The following ZNF208 variants were observed in gnomAD, a reference collection of about 807,000 sequenced individuals.
The protein encoded by ZNF208 is zinc finger protein 95.
In ZNF208, 10 loss-of-function variants were observed where a neutral mutation model predicts 12.1. That is an observed-to-expected ratio of 0.83 (90% CI 0.51 to 1.40). The LOEUF (loss-of-function observed/expected upper bound fraction) is 1.40, where lower values mean the gene tolerates loss of function less well. Ranked by LOEUF, ZNF208 falls within the 40% of genes most tolerant of loss-of-function variation. The pLI is 0.00. For missense variants in ZNF208, 1,652 were observed against 1,485.0 expected, an observed-to-expected ratio of 1.11 and a Z score of -1.85; for synonymous variants, 497 against 488.4, an observed-to-expected ratio of 1.02 and a Z score of -0.23.
rs1568446025 is a variant in ZNF208 at position 21,974,417 on chromosome 19, CCTT to C, written c.614_616del (p.Glu205del). The C allele has an allele frequency of 2.5e-6, 4 of 1,613,814 alleles. No individual in the cohort carries two copies. Among genetic ancestry groups the C allele is most frequent in the Non-Finnish European group, 2.5e-6 (3 of 1,179,826 alleles). ...TGAGGACCAGTTAAAAGCTTTGCCA[CCTT>C]CTTCACATTTGTAGGAATTCTCTCT... On this transcript the variant is annotated inframe_deletion, in exon 4 of 4. Transcript: ENST00000397126.
intron 4 of ZNF208, among the ~76,000 whole-genome samples, chr19:21,944,882 A>G (rs1014807932): frequency 3.3e-5 from 5 of 152,210 alleles, no homozygotes; most frequent in Non-Finnish European, 5.9e-5. Context: ...AAACATGGCC[A>G]TTGTACAGTG....
chr19:21,961,873 G>A (rs1003334837), downstream of ZNF208, among the ~76,000 whole-genome samples: 1 of 152,080 alleles, frequency 6.6e-6, no homozygotes, highest in African/African-American at 2.4e-5. Context: ...CTGTTATTCT[G>A]TTGTTTTTCA....
chr19:21,982,220 T>C (rs1034504393), intron 3 of ZNF208, among the ~76,000 whole-genome samples: 9 of 151,738 alleles, frequency 5.9e-5, no homozygotes, highest in African/African-American at 2.2e-4. Flanking sequence ...TAGCCGGGCA[T>C]GGTGGCAGGC....
chr19:21,947,336 G>T (rs1568432876), intron 4 of ZNF208, among the ~76,000 whole-genome samples: 1 of 152,108 alleles, frequency 6.6e-6, no homozygotes, highest in Non-Finnish European at 1.5e-5. Flanking sequence ...TCCTTTATGA[G>T]ACAAGTTCAT....
At chr19:21,959,617 GTGAC>G (rs1457120651) in intron 4 of ZNF208, among the ~76,000 whole-genome samples, 2 of 152,170 alleles carry the variant, frequency 1.3e-5, no homozygotes, top group Non-Finnish European at 2.9e-5. Context: ...GGAAAATAAA[GTGAC>G]TGCGGATTAA....
chr19:21,958,330 C>T lies in ZNF208; in HGVS notation c.305+16399G>A, dbSNP rs183419064. On this transcript the variant is annotated intron_variant, in intron 4 of 4. Coordinates refer to the ZNF208 transcript ENST00000599916. The stretch of plus-strand genomic sequence containing the variant: ...CAACCAGCAATCTCTGCCTGCAGCT[C>T]ATCAAAAAAAGATAGGGATGGGTAA... Among the ~76,000 whole-genome samples the T allele has an allele frequency of 1.1e-4, 17 of 152,192 alleles. No homozygotes were observed. In the East Asian group the frequency reaches 1.7e-3, roughly 16 times the overall value.
intron 1 of ZNF208, among the ~76,000 whole-genome samples, chr19:22,006,863 A>G (rs1022786278): frequency 3.8e-4 from 58 of 152,294 alleles, no homozygotes; most frequent in Admixed American, 6.5e-4. Flanking sequence ...AAGCAAATGT[A>G]TTTATTTCTT....
At chr19:21,988,621 G>A (rs1209251296) in intron 2 of ZNF208, among the ~76,000 whole-genome samples, 162 bp downstream of exon 2, 3 of 152,112 alleles carry the variant, frequency 2.0e-5, no homozygotes, top group Non-Finnish European at 4.4e-5. Flanking sequence ...CAGGACCCTT[G>A]TTGACTAGAA....
intron 4 of ZNF208, among the ~76,000 whole-genome samples, chr19:21,952,708 G>T (rs547765679): frequency 6.6e-6 from 1 of 152,282 alleles, no homozygotes; most frequent in African/African-American, 2.4e-5. Flanking sequence ...CACAAAGATG[G>T]GGAGAAACCA....
chr19:21,940,152 G>C (rs1969711635), intron 4 of ZNF208: 1 of 125,752 alleles, frequency 8.0e-6, no homozygotes, highest in Admixed American at 8.5e-5. Flanking sequence ...TTTTATAAGA[G>C]TAAAGAGCAA....
intron 4 of ZNF208, among the ~76,000 whole-genome samples, chr19:21,946,412 T>G (rs1969816845): frequency 6.6e-6 from 1 of 152,200 alleles, no homozygotes; most frequent in Non-Finnish European, 1.5e-5. Flanking sequence ...CATTCCAGTT[T>G]GTAAAAACCC....
At position 21,982,547 on chromosome 19, in the gene ZNF208, T is replaced by C. The variant is rs182176957; in HGVS notation, c.226+4669A>G. On this transcript the variant is annotated intron_variant, in intron 3 of 3. Transcript: ENST00000397126. ...TCATACAGAACCAAAAAAAAGCTCATATAGCCAAGACAATCCTAAGCAAAA... is the reference window on the plus strand; with the variant it reads ...TCATACAGAACCAAAAAAAAGCTCACATAGCCAAGACAATCCTAAGCAAAA... 5.9e-5 allele frequency among the ~76,000 whole-genome samples: 9 copies of C among 152,108 alleles called. 1 individual carries two copies. The highest frequency in any genetic ancestry group is 5.2e-4 in the Admixed American group (8 of 15,260).
chr19:21,963,079 A>G (rs1357607513), downstream of ZNF208, among the ~76,000 whole-genome samples: 1 of 152,034 alleles, frequency 6.6e-6, no homozygotes, highest in Non-Finnish European at 1.5e-5. Context: ...ACTTTATATC[A>G]GTGGAAAGCA....
chr19:21,981,158 G>C (rs1970530416), intron 3 of ZNF208, among the ~76,000 whole-genome samples: 1 of 152,044 alleles, frequency 6.6e-6, no homozygotes, highest in Non-Finnish European at 1.5e-5. Flanking sequence ...TATTATTTCT[G>C]AAACTATTCC....
downstream of ZNF208, among the ~76,000 whole-genome samples, chr19:21,963,222 T>C (rs1426412873): frequency 2.6e-5 from 4 of 152,066 alleles, no homozygotes. Context: ...TATTTTTCTC[T>C]ATATTAGTAA....
chr19:21,994,954 C>CTTTTTTTTTTTTT (rs71178799), intron 1 of ZNF208, among the ~76,000 whole-genome samples: 1 of 144,690 alleles, frequency 6.9e-6, no homozygotes, highest in Non-Finnish European at 1.5e-5. Flanking sequence ...TTTTTCTTTT[C>CTTTTTTTTTTTTT]TTTTTTTTTT....
chr19:21,979,769 A>T (rs1160922699), intron 3 of ZNF208, among the ~76,000 whole-genome samples: 3 of 152,220 alleles, frequency 2.0e-5, no homozygotes. Context: ...TGCCCCAATT[A>T]AAAGACACAG....
At chr19:21,955,873 C>T (rs542830230) in intron 4 of ZNF208, among the ~76,000 whole-genome samples, 7 of 152,322 alleles carry the variant, frequency 4.6e-5, no homozygotes, top group African/African-American at 1.7e-4. Context: ...TGTTTCTTTG[C>T]TGGTGAGGAA....
In ZNF208 at chr19:21,974,552, T is replaced by A. The variant is rs1194204600; in HGVS notation, c.482A>T (p.Asn161Ile). Residue 161 changes from asparagine (N) to isoleucine (I), a missense_variant, in exon 4 of 4, where the codon AAC becomes ATC. This residue lies in a region of ZNF208 where 410 missense variants were observed against 378.2 expected (regional missense o/e 1.08). Coordinates refer to ENST00000397126, the MANE Select transcript of ZNF208 (RefSeq NM_007153.3). ...TCCAGTATGCCTTATCTTATGTCTGTTTGAATTTGAACATTTATGAAAGAC... is the reference window on the plus strand; with the variant it reads ...TCCAGTATGCCTTATCTTATGTCTGATTGAATTTGAACATTTATGAAAGAC... ...ANVFHKCSNS[N>I]RHKIRHTGKK... 1 of 1,613,536 alleles carries A rather than the reference T, an allele frequency of 6.2e-7. No individual in the cohort carries two copies. Among genetic ancestry groups the A allele is most frequent in the Non-Finnish European group, 8.5e-7 (1 of 1,179,710 alleles).
Sources: gnomAD v4.1 joint callset for allele counts (sites outside exome capture counted in the v4.1 genomes callset) on GRCh38, gnomAD v4.1.1 for gene constraint, gnomAD v4.1.1 regional missense constraint, MANE v1.5 for transcripts, NCBI Gene and HGNC (gene_info 2026-07-23, HGNC 2026-07-21) for gene names.